The following BDP1 variants were observed in gnomAD, a reference collection of about 807,000 sequenced individuals.
BDP1 encodes transcription factor TFIIIB component B'' homolog.
In BDP1, 169 loss-of-function variants were observed where a neutral mutation model predicts 266.6. The ratio of observed to expected loss-of-function variants is 0.63; its 90% CI spans 0.56 to 0.72. The LOEUF (loss-of-function observed/expected upper bound fraction) is 0.72. Ranked by LOEUF, BDP1 falls within the 30% of genes least tolerant of loss-of-function variation. The pLI, the probability that BDP1 is intolerant of heterozygous loss-of-function variation, is 0.00. For missense variants in BDP1, 3,015 were observed against 3,053.8 expected, an observed-to-expected ratio of 0.99 and a Z score of 0.30; for synonymous variants, 1,090 against 1,022.4, an observed-to-expected ratio of 1.07 and a Z score of -1.26.
chr5:71,517,847 C>CT (rs1765301583), intron 22 of BDP1, among the ~76,000 whole-genome samples: 1 of 152,102 alleles, frequency 6.6e-6, no homozygotes, highest in African/African-American at 2.4e-5. Context: ...GAGAGGATCG[C>CT]TTGAGTCCAG....
At chr5:71,461,352 T>G (rs1296136337) in intron 2 of BDP1, among the ~76,000 whole-genome samples, 1 of 151,714 alleles carries the variant, frequency 6.6e-6, no homozygotes, top group Non-Finnish European at 1.5e-5. Flanking sequence ...TGTGGTTCAC[T>G]CCAGTGCTTT....
intron 17 of BDP1, among the ~76,000 whole-genome samples, chr5:71,511,957 A>C (rs1580112578): frequency 6.7e-6 from 1 of 149,386 alleles, no homozygotes; most frequent in African/African-American, 2.4e-5. Context: ...TTTTCAAGTT[A>C]CTTTGAAGTT....
intron 26 of BDP1, among the ~76,000 whole-genome samples, chr5:71,534,548 G>A (rs1421990793): frequency 1.3e-5 from 2 of 151,964 alleles, no homozygotes; most frequent in African/African-American, 2.4e-5. Context: ...CGCCCAGGAT[G>A]GAGTGCAGTG....
At chr5:71,548,818 A>G (rs1742522505) in intron 33 of BDP1, 73 bp downstream of exon 33, 2 of 1,059,800 alleles carry the variant, frequency 1.9e-6, no homozygotes, top group African/African-American at 3.2e-5. Context: ...TAACTATGGA[A>G]AAACATAAAA....
chr5:71,510,071 C>T lies in BDP1; in HGVS notation c.2979C>T (p.Ser993=). The T allele has an allele frequency of 6.2e-7, 1 of 1,609,806 alleles. No individual in the cohort carries two copies. Among genetic ancestry groups the T allele is most frequent in the Non-Finnish European group, 8.5e-7 (1 of 1,179,242 alleles). Residue 993 remains serine, a synonymous_variant, in exon 17 of 39, where the codon TCC becomes TCT. Transcript: ENST00000358731. ...AAGAAACTGGAAGAAGAAAAATATC[C>T]CCAAGGGAAAATGGCCCAGAGGAGG... The part of the protein sequence containing the change: ...NLEETGRRKI[S]PRENGPEEVK...
intron 17 of BDP1, 69 bp downstream of exon 17, chr5:71,511,220 T>C (rs770041152): frequency 6.9e-7 from 1 of 1,453,768 alleles, no homozygotes; most frequent in Non-Finnish European, 9.4e-7. Context: ...AATTCCATGA[T>C]TATTTTGTCC....
At chr5:71,526,767 A>G (rs2150523089) in intron 25 of BDP1, among the ~76,000 whole-genome samples, 1 of 147,228 alleles carries the variant, frequency 6.8e-6, no homozygotes, top group South Asian at 2.2e-4. Context: ...GGCTCATTGC[A>G]ACCTCCACCT....
Position 71,509,556 on chromosome 5 carries a change from A to G in BDP1, c.2464A>G (p.Thr822Ala), listed in dbSNP as rs1036984317. The G allele has an allele frequency of 6.2e-7, 1 of 1,613,550 alleles. No homozygotes were observed. Among genetic ancestry groups the G allele is most frequent in the Non-Finnish European group, 8.5e-7 (1 of 1,179,912 alleles). ...QKPKPNIGRG[T>A]GRREISSKEE... ...ACCAAAGCCAAATATAGGAAGAGGAACTGGAAGGAGAGAAATTTCCTCAAA... is the reference window on the plus strand; with the variant it reads ...ACCAAAGCCAAATATAGGAAGAGGAGCTGGAAGGAGAGAAATTTCCTCAAA... The change falls in exon 17 of 39, where the codon ACT (threonine) becomes GCT (alanine). Residue 822 changes from threonine (T) to alanine (A), a missense_variant. Physicochemically the swap from Thr to Ala is moderately conservative, Grantham distance 58. Transcript: ENST00000358731.
intron 14 of BDP1, among the ~76,000 whole-genome samples, chr5:71,501,889 A>G (rs1764262196): frequency 6.6e-6 from 1 of 152,138 alleles, no homozygotes; most frequent in Non-Finnish European, 1.5e-5. Flanking sequence ...TGTTTACAGT[A>G]TATGCCCCTG....
Position 71,552,024 on chromosome 5 carries a change from G to A in BDP1, c.6996-1092G>A, listed in dbSNP as rs1180673836. 4.8e-3 allele frequency among the ~76,000 whole-genome samples: 714 copies of A among 148,570 alleles called. 17 individuals are homozygous for A. Among genetic ancestry groups the A allele is most frequent in the African/African-American group, 0.017 (676 of 39,846 alleles). On this transcript the variant is annotated intron_variant, in intron 34 of 38. Coordinates refer to ENST00000358731, the MANE Select transcript of BDP1 (RefSeq NM_018429.3). Reference sequence around the variant, plus strand: ...GCTGACCCCCACCTCCCTCCCGGACGGGGTGGCTGCCGGGCGGAGACGCTC... The same window carrying A: ...GCTGACCCCCACCTCCCTCCCGGACAGGGTGGCTGCCGGGCGGAGACGCTC...
chr5:71,473,268 T>TAA (rs1215269808), intron 7 of BDP1, among the ~76,000 whole-genome samples: 1 of 15,046 alleles, frequency 6.6e-5, no homozygotes, highest in Admixed American at 7.2e-4. Flanking sequence ...TGTAATTTTT[T>TAA]TTTTTTTTTT....
In BDP1 at chr5:71,462,957, A is replaced by T. The variant is rs565310261; in HGVS notation, c.599+1031A>T. On this transcript the variant is annotated intron_variant, in intron 3 of 38. Transcript: ENST00000358731. ...AGACCAGCCTGGGCAATGTAGTGAG[A>T]CCCCATCTCTACAAAAAATACAAAA... Among the ~76,000 whole-genome samples the T allele has an allele frequency of 7.9e-5, 12 of 151,936 alleles. No individual in the cohort carries two copies. In the East Asian group the frequency reaches 1.9e-3, roughly 25 times the overall value.
chr5:71,466,895 G>C (rs971659205), intron 5 of BDP1, among the ~76,000 whole-genome samples: 2 of 152,046 alleles, frequency 1.3e-5, no homozygotes, highest in Non-Finnish European at 2.9e-5. Flanking sequence ...AGTTGTTTTT[G>C]TGTGCTATTT....
intron 15 of BDP1, among the ~76,000 whole-genome samples, chr5:71,503,550 G>T (rs1355814456): frequency 2.6e-5 from 4 of 152,174 alleles, no homozygotes; most frequent in African/African-American, 9.7e-5. Flanking sequence ...AGCATAAAGT[G>T]TTAAAAGCTC....
chr5:71,549,535 C>G lies in BDP1; in HGVS notation c.6924C>G (p.Phe2308Leu), dbSNP rs1449710396. 5.0e-6 allele frequency: 8 copies of G among 1,613,994 alleles called. No homozygotes were observed. Among genetic ancestry groups the G allele is most frequent in the Non-Finnish European group, 6.8e-6 (8 of 1,179,964 alleles). ...VEEFTDATAQ[F>L]MPNPLLPAPI... ...AATTTACTGATGCCACTGCACAGTT[C>G]ATGCCAAACCCTTTACTGCCAGCTC... is the stretch of plus-strand genomic sequence containing the variant. The change falls in exon 34 of 39, where the codon TTC (phenylalanine) becomes TTG (leucine). Residue 2308 changes from phenylalanine to leucine, a missense_variant. Phe to Leu is a conservative substitution (Grantham distance 22). This residue lies in a region of BDP1 where 629 missense variants were observed against 632.5 expected (regional missense o/e 0.99). Transcript: ENST00000358731.
In BDP1 at chr5:71,510,100, A is replaced by G; in HGVS notation, c.3008A>G (p.Lys1003Arg). The G allele has an allele frequency of 6.2e-7, 1 of 1,614,088 alleles. No homozygotes were observed. Among genetic ancestry groups the G allele is most frequent in the Non-Finnish European group, 8.5e-7 (1 of 1,179,996 alleles). ...SPRENGPEEVKPVDEMETDLN... is the reference protein window; with the variant it reads ...SPRENGPEEVRPVDEMETDLN... ...AGGGAAAATGGCCCAGAGGAGGTCAAGCCTGTAGATGAAATGGAGACAGAT... is the reference window on the plus strand; with the variant it reads ...AGGGAAAATGGCCCAGAGGAGGTCAGGCCTGTAGATGAAATGGAGACAGAT... The change falls in exon 17 of 39, where the codon AAG becomes AGG. Residue 1003 changes from lysine (K) to arginine (R), a missense_variant. Lys to Arg is a conservative substitution (Grantham distance 26, BLOSUM62 2). Coordinates refer to ENST00000358731, the MANE Select transcript of BDP1 (RefSeq NM_018429.3).
chr5:71,500,316 CTTTTTTTTTTTTTTTT>C (rs58201517), intron 13 of BDP1, among the ~76,000 whole-genome samples: 1 of 73,116 alleles, frequency 1.4e-5, no homozygotes, highest in South Asian at 5.8e-4. Context: ...AATCTTGTTT[CTTTTTTTTTTTTTTTT>C]TTTTTTTTTT....
chr5:71,477,943 T>C (rs1232013153), intron 7 of BDP1, among the ~76,000 whole-genome samples: 1 of 152,070 alleles, frequency 6.6e-6, no homozygotes, highest in Non-Finnish European at 1.5e-5. Context: ...TATCCTACTC[T>C]ACTGGCCTTA....
At position 71,475,773 on chromosome 5, in the gene BDP1, C is replaced by T. The variant is rs138125302; in HGVS notation, c.1014+5284C>T. 928 of 154,828 alleles carry T rather than the reference C, an allele frequency of 6.0e-3. 10 individuals are homozygous for T. The highest frequency in any genetic ancestry group is 0.01 in the Non-Finnish European group (692 of 69,022). 9.6% of individuals were successfully genotyped at this position (154,828 alleles called of 1,614,324 possible). A position where few individuals can be genotyped will look rare whatever the true frequency, so the allele number is the denominator to read the frequency against. On this transcript the variant is annotated intron_variant, in intron 7 of 38. Coordinates refer to ENST00000358731, the MANE Select transcript of BDP1 (RefSeq NM_018429.3). ...GAGTTCCTCGCAGCTTACCTTTGCT[C>T]GGCTGAAGCTGAAAACTTTGTAACT...
Sources: gnomAD v4.1 joint callset for allele counts (sites outside exome capture counted in the v4.1 genomes callset) on GRCh38, gnomAD v4.1.1 for gene constraint, gnomAD v4.1.1 regional missense constraint, MANE v1.5 for transcripts, NCBI Gene and HGNC (gene_info 2026-07-23, HGNC 2026-07-21) for gene names.